Variants in FRMD4A observed in about 807,000 individuals in gnomAD.
FRMD4A encodes FERM domain-containing protein 4A.
A neutral mutation model predicts 129.1 loss-of-function variants in FRMD4A; 29 were observed. That is an observed-to-expected ratio of 0.22 (90% CI 0.17 to 0.31). The LOEUF is 0.31. FRMD4A is among the 10% of genes least tolerant of loss of function. FRMD4A has a pLI of 1.00. For synonymous variants in FRMD4A, 634 were observed against 571.6 expected, an observed-to-expected ratio of 1.11 and a Z score of -1.56; for missense variants, 1,272 against 1,375.8, an observed-to-expected ratio of 0.92 and a Z score of 1.19.
rs555219836 is a variant in FRMD4A, at chr10:14,284,794, T to A, written c.45+45264A>T. ...CTTATGCTATATGCTTCTATGGTTG[T>A]AATATAGCTCCAGTCCTCATTCGTG... is the stretch of plus-strand genomic sequence containing the variant. On this transcript the variant is annotated intron_variant, in intron 2 of 24. Transcript: ENST00000357447. 5.3e-5 allele frequency among the ~76,000 whole-genome samples: 8 copies of A among 152,324 alleles called. No homozygotes were observed. The South Asian group carries it at 1.7e-3, about 32-fold the overall frequency.
At chr10:13,946,507 T>C (rs982916302) in intron 2 of FRMD4A, among the ~76,000 whole-genome samples, 1 of 152,356 alleles carries the variant, frequency 6.6e-6, no homozygotes, top group Non-Finnish European at 1.5e-5. Context: ...TTTTAGACAC[T>C]GAACACATCC....
chr10:13,689,574 C>T (rs2085475441), intron 15 of FRMD4A, among the ~76,000 whole-genome samples: 2 of 117,512 alleles, frequency 1.7e-5, no homozygotes, highest in Non-Finnish European at 3.4e-5. Flanking sequence ...TTTTAAGAGA[C>T]AGGGTCTCAC....
At position 14,330,067 on chromosome 10, in the gene FRMD4A, G is replaced by T; in HGVS notation, c.36C>A (p.Gly12=). The T allele has an allele frequency of 6.4e-7, 1 of 1,553,158 alleles. No homozygotes were observed. Among genetic ancestry groups the T allele is most frequent in the Non-Finnish European group, 8.7e-7 (1 of 1,147,690 alleles). The part of the protein sequence containing the change: ...AVQLVPDSAL[G]LLMMTEGRRC... ...CTGTCTGAACACTCACCATCAGCAG[G>T]CCGAGAGCTGAGTCGGGCACCAGCT... is the stretch of plus-strand genomic sequence containing the variant. Residue 12 remains glycine (G), a synonymous_variant, in exon 2 of 25, where the codon GGC becomes GGA. Transcript: ENST00000357447.
intron 9 of FRMD4A, among the ~76,000 whole-genome samples, chr10:13,746,885 C>T (rs2091319433): frequency 6.6e-6 from 1 of 152,138 alleles, no homozygotes; most frequent in African/African-American, 2.4e-5. Flanking sequence ...GGGAGTCTTT[C>T]AAATGGCTTG....
chr10:14,038,626 C>T (rs543080766), intron 2 of FRMD4A, among the ~76,000 whole-genome samples: 3 of 152,288 alleles, frequency 2.0e-5, no homozygotes, highest in Middle Eastern at 3.4e-3. Context: ...CAGCTACTCA[C>T]GCTCAAATCT....
intron 2 of FRMD4A, chr10:14,008,571 G>A: frequency 1.1e-6 from 1 of 917,256 alleles, no homozygotes; most frequent in Non-Finnish European, 1.3e-6. Flanking sequence ...AGCTCTATCA[G>A]ACGTATTATT....
At chr10:13,746,268 T>C (rs1340973111) in intron 9 of FRMD4A, among the ~76,000 whole-genome samples, 5 of 152,150 alleles carry the variant, frequency 3.3e-5, no homozygotes, top group African/African-American at 1.2e-4. Context: ...TGGAGTGCAG[T>C]GGCACAATCT....
At chr10:13,675,810 A>T (rs1361545034) in intron 15 of FRMD4A, 7 of 152,176 alleles carry the variant, frequency 4.6e-5, no homozygotes, top group African/African-American at 1.7e-4. Flanking sequence ...GTAGACAGGT[A>T]TAAGAAATAG....
intron 2 of FRMD4A, among the ~76,000 whole-genome samples, chr10:13,862,526 C>T (rs2094308666): frequency 6.6e-6 from 1 of 152,182 alleles, no homozygotes; most frequent in African/African-American, 2.4e-5. Flanking sequence ...AGTATCCACC[C>T]TAGGTCTTCC....
chr10:13,691,984 C>CT (rs2085739245), intron 15 of FRMD4A, among the ~76,000 whole-genome samples: 1 of 152,100 alleles, frequency 6.6e-6, no homozygotes, highest in Non-Finnish European at 1.5e-5. Flanking sequence ...TCATGGCCAA[C>CT]TCCCAAGCTT....
chr10:14,139,901 C>G (rs1400114212), intron 2 of FRMD4A, among the ~76,000 whole-genome samples: 1 of 152,128 alleles, frequency 6.6e-6, no homozygotes, highest in Non-Finnish European at 1.5e-5. Context: ...CCACACACTA[C>G]TAGACAATTT....
chr10:14,303,693 G>A (rs1031426221), intron 2 of FRMD4A, among the ~76,000 whole-genome samples: 1 of 152,194 alleles, frequency 6.6e-6, no homozygotes, highest in Non-Finnish European at 1.5e-5. Flanking sequence ...AGACTTCAAA[G>A]TAAAAGGAGG....
At chr10:13,902,481 G>GAGAGAGAGAGAGAT (rs2094831739) in intron 2 of FRMD4A, among the ~76,000 whole-genome samples, 1 of 151,576 alleles carries the variant, frequency 6.6e-6, no homozygotes. Flanking sequence ...GAGAGAGAGA[G>GAGAGAGAGAGAGAT]AGAGAGAGAG....
intron 2 of FRMD4A, among the ~76,000 whole-genome samples, chr10:13,958,902 T>G (rs989590287): frequency 6.6e-6 from 1 of 152,224 alleles, no homozygotes; most frequent in East Asian, 1.9e-4. Context: ...CTTTTTACAA[T>G]TATAACCAGT....
chr10:13,731,425 G>T (rs1426183095), intron 12 of FRMD4A, among the ~76,000 whole-genome samples: 1 of 152,184 alleles, frequency 6.6e-6, no homozygotes. Context: ...AAGGTGGGGG[G>T]ATCCCCTGAG....
intron 2 of FRMD4A, among the ~76,000 whole-genome samples, chr10:14,322,720 G>A (rs143242624): frequency 9.9e-4 from 151 of 152,236 alleles, no homozygotes; most frequent in African/African-American, 3.4e-3. Context: ...CACTTGATAC[G>A]AACCACATGG....
intron 2 of FRMD4A, among the ~76,000 whole-genome samples, chr10:14,284,387 G>A (rs887389215): frequency 5.3e-5 from 8 of 152,302 alleles, no homozygotes; most frequent in Middle Eastern, 3.4e-3. Flanking sequence ...AGTGGTTCAT[G>A]CCTATAATGC....
At chr10:14,188,561 A>C (rs571806744) in intron 2 of FRMD4A, among the ~76,000 whole-genome samples, 4 of 152,332 alleles carry the variant, frequency 2.6e-5, no homozygotes, top group African/African-American at 9.6e-5. Context: ...AAAGCAGGCC[A>C]AGACCCAATG....
chr10:13,807,022 T>C lies in FRMD4A; in HGVS notation c.206+3792A>G, dbSNP rs2093367309. On this transcript the variant is annotated intron_variant, in intron 4 of 24. Coordinates refer to ENST00000357447, the MANE Select transcript of FRMD4A (RefSeq NM_018027.5). ...TGGGGTTTCACCGTGTTAGCCAGGA[T>C]GGTCTCGATCTCCTGACCTCATGAT... Among the ~76,000 whole-genome samples the C allele has an allele frequency of 2.0e-5, 3 of 152,202 alleles. No homozygotes were observed. The South Asian group carries it at 6.2e-4, about 32-fold the overall frequency.
Sources: gnomAD v4.1 joint callset for allele counts (sites outside exome capture counted in the v4.1 genomes callset) on GRCh38, gnomAD v4.1.1 for gene constraint, MANE v1.5 for transcripts, NCBI Gene and HGNC (gene_info 2026-07-23, HGNC 2026-07-21) for gene names.